SF3A3: variants seen among roughly 807,000 people sequenced by gnomAD.
SF3A3 encodes SAP 61.
SF3A3 carries 9 observed loss-of-function variants against 85.8 expected under a neutral mutation model. The observed-to-expected ratio is 0.10, with a 90% confidence interval of 0.06 to 0.18. The LOEUF (loss-of-function observed/expected upper bound fraction) is 0.18. SF3A3 is among the 10% of genes least tolerant of loss of function. The probability of loss-of-function intolerance (pLI) is 1.00; values close to 1 mark genes in which losing one functional copy is unlikely to be tolerated. For synonymous variants in SF3A3, 195 were observed against 204.4 expected, an observed-to-expected ratio of 0.95 and a Z score of 0.39; for missense variants, 306 against 593.3, an observed-to-expected ratio of 0.52 and a Z score of 5.03.
chr1:37,977,258 C>T (rs1646385064), intron 11 of SF3A3, among the ~76,000 whole-genome samples: 1 of 152,212 alleles, frequency 6.6e-6, no homozygotes, highest in South Asian at 2.1e-4. Context: ...AGCTCTGCAG[C>T]AGGTAGACCT....
chr1:37,989,832 C>G, intron 1 of SF3A3, 38 bp downstream of exon 1: 1 of 1,494,052 alleles, frequency 6.7e-7, no homozygotes, highest in Non-Finnish European at 9.3e-7. Context: ...GATAGAGGCT[C>G]GTGCTCCTGC....
intron 2 of SF3A3, 29 bp downstream of exon 2, chr1:37,989,519 C>T: frequency 6.2e-7 from 1 of 1,609,952 alleles, no homozygotes; most frequent in Non-Finnish European, 8.5e-7. Flanking sequence ...CTCGCCAACC[C>T]AAAGAGAGGC....
chr1:37,966,693 T>C (rs1159899521), intron 15 of SF3A3, among the ~76,000 whole-genome samples: 2 of 151,766 alleles, frequency 1.3e-5, no homozygotes, highest in African/African-American at 4.8e-5. Context: ...TCGCAGCACT[T>C]TGGGAGGCCG....
chr1:37,987,219 C>T (rs1482848959), intron 4 of SF3A3, among the ~76,000 whole-genome samples: 5 of 152,330 alleles, frequency 3.3e-5, no homozygotes, highest in Admixed American at 2.6e-4. Context: ...GTTGGGATTA[C>T]AGGCACATGC....
chr1:37,964,283 T>C (rs777565790), intron 15 of SF3A3, among the ~76,000 whole-genome samples: 1 of 152,058 alleles, frequency 6.6e-6, no homozygotes, highest in Non-Finnish European at 1.5e-5. Context: ...GTGATAAGTG[T>C]GATTTCAAAG....
At chr1:37,978,679 A>C (rs769937568) in intron 11 of SF3A3, 41 bp downstream of exon 11, 79 of 1,320,620 alleles carry the variant, frequency 6.0e-5, no homozygotes, top group Non-Finnish European at 8.0e-5. Flanking sequence ...TGGGAATAAC[A>C]TTTAAAAGCC....
At chr1:37,959,833 C>CT (rs1646244512) in intron 16 of SF3A3, among the ~76,000 whole-genome samples, 2 of 151,758 alleles carry the variant, frequency 1.3e-5, no homozygotes, top group African/African-American at 4.8e-5. Flanking sequence ...TGGCGGGCGC[C>CT]TGTAATCTCA....
At chr1:37,984,440 A>G (rs913131725) in intron 5 of SF3A3, among the ~76,000 whole-genome samples, 180 bp from the exon 6 acceptor site, 3 of 152,240 alleles carry the variant, frequency 2.0e-5, no homozygotes, top group Admixed American at 1.3e-4. Flanking sequence ...TTTCTCTTAC[A>G]AGGTAACAAG....
At position 37,987,810 on chromosome 1, in the gene SF3A3, C is replaced by A; in HGVS notation, c.171G>T (p.Leu57=). The change falls in exon 3 of 17, where the codon CTG becomes CTT. Residue 57 remains leucine, a synonymous_variant. Coordinates refer to ENST00000373019, the MANE Select transcript of SF3A3 (RefSeq NM_006802.4). ...CATCCTTATCATCATACAAATCCCT[C>A]AGGTTCCCACTGACCTCCATATACC... ...QDRYMEVSGN[L]RDLYDDKDGL... 1 of 1,613,590 alleles carries A rather than the reference C, an allele frequency of 6.2e-7. No homozygotes were observed. The highest frequency in any genetic ancestry group is 8.5e-7 in the Non-Finnish European group (1 of 1,179,578).
intron 8 of SF3A3, among the ~76,000 whole-genome samples, chr1:37,980,346 C>A (rs1183257107): frequency 1.3e-5 from 2 of 151,946 alleles, no homozygotes; most frequent in Non-Finnish European, 2.9e-5. Flanking sequence ...ACTGCTTGAA[C>A]CCGGGAAGCG....
chr1:37,965,839 G>C (rs1646296025), intron 15 of SF3A3, among the ~76,000 whole-genome samples: 1 of 149,378 alleles, frequency 6.7e-6, no homozygotes, highest in South Asian at 2.1e-4. Context: ...GTGGGATGGG[G>C]GGGTAAAATA....
chr1:37,959,080 C>CTTT (rs369121020), intron 16 of SF3A3, among the ~76,000 whole-genome samples: 4 of 143,312 alleles, frequency 2.8e-5, no homozygotes, highest in East Asian at 4.0e-4. Flanking sequence ...ACTTTTTTTT[C>CTTT]TTTTTTTTTT....
Position 37,957,797 on chromosome 1 carries a change from G to A in SF3A3, c.*389C>T. 5.8e-6 allele frequency: 1 copy of A among 170,986 alleles called. No individual in the cohort carries two copies. The highest frequency in any genetic ancestry group is 1.2e-5 in the Non-Finnish European group (1 of 80,102). The allele number at this position is 170,986 out of a possible 1,614,324, so 10.6% of individuals were successfully genotyped here. A position where few individuals can be genotyped will look rare whatever the true frequency, so the allele number is the denominator to read the frequency against. On this transcript the variant is annotated 3_prime_UTR_variant, in exon 17 of 17. Coordinates refer to ENST00000373019, the MANE Select transcript of SF3A3 (RefSeq NM_006802.4). The stretch of plus-strand genomic sequence containing the variant: ...GGGGTAATACTCATTCAGGGAAGCA[G>A]CAACAAAGGAGGGTGGGGAAAGAGG...
chr1:37,989,470 C>T, intron 2 of SF3A3, 78 bp downstream of exon 2: 1 of 1,509,662 alleles, frequency 6.6e-7, no homozygotes, highest in Non-Finnish European at 9.1e-7. Context: ...GGGACTCATG[C>T]TGAGACACCG....
chr1:37,969,594 G>A lies in SF3A3; in HGVS notation c.1147C>T (p.Leu383=). The A allele has an allele frequency of 6.2e-7, 1 of 1,614,202 alleles. No individual in the cohort carries two copies. Among genetic ancestry groups the A allele is most frequent in the Non-Finnish European group, 8.5e-7 (1 of 1,180,040 alleles). ...ENEIIYNPKN[L]PLGWDGKPIP... is the part of the protein sequence containing the mutation. ...ACTTTGCCATCCCAGCCAAGTGGCA[G>A]GTTTTTGGGGTTGTAAATGATCTCG... is the stretch of plus-strand genomic sequence containing the variant. Residue 383 remains leucine (L), a synonymous_variant, in exon 13 of 17, where the codon CTG becomes TTG. Transcript: ENST00000373019.
At chr1:37,982,661 CGCGCCCGGCCTGTGA>C (rs1252303547) in intron 6 of SF3A3, among the ~76,000 whole-genome samples, 1 of 151,788 alleles carries the variant, frequency 6.6e-6, no homozygotes, top group East Asian at 1.9e-4. Flanking sequence ...CGTGAGCCAC[CGCGCCCGGCCTGTGA>C]TAAGCTATTT....
intron 2 of SF3A3, among the ~76,000 whole-genome samples, chr1:37,988,877 G>GTA (rs1646473621): frequency 6.7e-6 from 1 of 148,650 alleles, no homozygotes; most frequent in African/African-American, 2.5e-5. Flanking sequence ...GTGTGTGTGT[G>GTA]TGTATATATA....
chr1:37,965,823 T>TGGGGG (rs1646295707), intron 15 of SF3A3, among the ~76,000 whole-genome samples: 1 of 12,212 alleles, frequency 8.2e-5, no homozygotes, highest in Non-Finnish European at 1.6e-4. Context: ...AATTTAACAG[T>TGGGGG]GGGGGGTGGG....
intron 16 of SF3A3, among the ~76,000 whole-genome samples, chr1:37,959,093 T>G (rs1646239176): frequency 6.6e-6 from 1 of 151,952 alleles, no homozygotes; most frequent in Non-Finnish European, 1.5e-5. Flanking sequence ...TTTTTTTTTT[T>G]TGTGAGGTAA....
Sources: gnomAD v4.1 joint callset for allele counts (sites outside exome capture counted in the v4.1 genomes callset) on GRCh38, gnomAD v4.1.1 for gene constraint, MANE v1.5 for transcripts, NCBI Gene and HGNC (gene_info 2026-07-23, HGNC 2026-07-21) for gene names.